Variants in PCDH15 observed in about 807,000 individuals in gnomAD.
The protein encoded by PCDH15 is protocadherin related 15, also known as protocadherin-15.
PCDH15 carries 129 observed loss-of-function variants against 178.5 expected under a neutral mutation model. The observed-to-expected ratio is 0.72, with a 90% CI of 0.63 to 0.84. The LOEUF is 0.84. Among genes scored for constraint, PCDH15 ranks in the 40% least tolerant of loss-of-function variants. The probability of loss-of-function intolerance (pLI) is 0.00; values close to 1 mark genes in which losing one functional copy is unlikely to be tolerated. For missense variants in PCDH15, 2,230 were observed against 2,099.9 expected, an observed-to-expected ratio of 1.06 and a Z score of -1.21; for synonymous variants, 800 against 732.0, an observed-to-expected ratio of 1.09 and a Z score of -1.50.
intron 9 of PCDH15, among the ~76,000 whole-genome samples, chr10:54,215,227 T>G (rs1487476912): frequency 6.6e-6 from 1 of 152,152 alleles, no homozygotes; most frequent in Non-Finnish European, 1.5e-5. Flanking sequence ...ACAGAGCTTT[T>G]ATTAAAAATC....
chr10:54,814,113 C>G (rs535944738), intron 3 of PCDH15, among the ~76,000 whole-genome samples: 6 of 152,162 alleles, frequency 3.9e-5, no homozygotes, highest in Non-Finnish European at 8.8e-5. Context: ...AAGCTCCTGA[C>G]AAATTAAACT....
At chr10:54,807,259 A>T (rs1952794082) in intron 3 of PCDH15, among the ~76,000 whole-genome samples, 1 of 152,240 alleles carries the variant, frequency 6.6e-6, no homozygotes, top group Non-Finnish European at 1.5e-5. Flanking sequence ...TAAAAATCGT[A>T]TAGAACATTT....
chr10:55,178,706 A>C (rs1247178626), intron 1 of PCDH15, among the ~76,000 whole-genome samples: 5 of 152,148 alleles, frequency 3.3e-5, no homozygotes, highest in Non-Finnish European at 5.9e-5. Flanking sequence ...AGAAATTGGA[A>C]ACCTGAAGCT....
In PCDH15 at chr10:54,183,555, G is replaced by T. The variant is rs371406605; in HGVS notation, c.1479C>A (p.Val493=). The change falls in exon 13 of 38, where the codon GTC becomes GTA. Residue 493 remains valine, a synonymous_variant. Transcript: ENST00000644397. The part of the protein sequence containing the change: ...AFDGVQESEP[V]IVNIQVMDAN... Reference sequence around the variant, plus strand: ...CATCCATCACTTGAATATTGACGATGACTGGCTCACTTTCTTGTACACCAT... The same window carrying T: ...CATCCATCACTTGAATATTGACGATTACTGGCTCACTTTCTTGTACACCAT... 8.1e-6 allele frequency: 13 copies of T among 1,613,870 alleles called. No individual in the cohort carries two copies. In the African/African-American group the frequency reaches 1.6e-4, roughly 20 times the overall value.
At chr10:54,383,619 ATGTGTGTTTTTGTGTGTGTGTG>A (rs1159408106) in intron 3 of PCDH15, among the ~76,000 whole-genome samples, 2 of 23,824 alleles carry the variant, frequency 8.4e-5, no homozygotes, top group Admixed American at 6.9e-4. Flanking sequence ...CATGCCGTGT[ATGTGTGTTTTTGTGTGTGTGTG>A]TGTGTGTGTG....
At chr10:55,484,337 T>A (rs1467133707) in intron 2 of PCDH15, among the ~76,000 whole-genome samples, 1 of 151,420 alleles carries the variant, frequency 6.6e-6, no homozygotes, top group Non-Finnish European at 1.5e-5. Flanking sequence ...TCTATAAAAA[T>A]TATAAAAGAT....
chr10:54,850,340 C>T lies in PCDH15; in HGVS notation c.-29+47110G>A, dbSNP rs1034781767. On this transcript the variant is annotated intron_variant, in intron 3 of 5. Coordinates refer to the PCDH15 transcript ENST00000458638. Reference sequence around the variant, plus strand: ...TGGGAACAGGTGGTATTTTGTTACACGAGTAAGTTTCTTAGTGGTGATTTG... The same window carrying T: ...TGGGAACAGGTGGTATTTTGTTACATGAGTAAGTTTCTTAGTGGTGATTTG... Among the ~76,000 whole-genome samples, 7 of 151,876 alleles carry T rather than the reference C, an allele frequency of 4.6e-5. No homozygotes were observed. In the East Asian group the frequency reaches 9.7e-4, roughly 21 times the overall value.
At chr10:54,025,965 T>C (rs2093073952) in intron 18 of PCDH15, among the ~76,000 whole-genome samples, 1 of 152,200 alleles carries the variant, frequency 6.6e-6, no homozygotes, top group Non-Finnish European at 1.5e-5. Context: ...TCCAGGATAG[T>C]ATCCCCATCT....
chr10:54,463,742 G>A (rs1483379841), intron 3 of PCDH15, among the ~76,000 whole-genome samples: 2 of 151,940 alleles, frequency 1.3e-5, no homozygotes, highest in Non-Finnish European at 2.9e-5. Context: ...CTACCCCATA[G>A]AGGACCTCAT....
At chr10:55,203,979 G>GCCTCAT (rs1264246032) in intron 1 of PCDH15, among the ~76,000 whole-genome samples, 2 of 151,878 alleles carry the variant, frequency 1.3e-5, no homozygotes, top group Admixed American at 6.6e-5. Context: ...GGGAGGCTGA[G>GCCTCAT]GCAGGTGGAT....
chr10:54,884,479 A>AGG (rs937545814), intron 3 of PCDH15, among the ~76,000 whole-genome samples: 18 of 79,708 alleles, frequency 2.3e-4, no homozygotes, highest in Admixed American at 1.5e-3. Context: ...ATACTAAGAT[A>AGG]GGTGTGTGTG....
chr10:54,021,586 A>G (rs752299930), intron 19 of PCDH15, among the ~76,000 whole-genome samples: 1 of 151,756 alleles, frequency 6.6e-6, no homozygotes, highest in Non-Finnish European at 1.5e-5. Flanking sequence ...AACTACTTTG[A>G]ACAATCTTTC....
intron 10 of PCDH15, among the ~76,000 whole-genome samples, chr10:54,201,057 C>T (rs930489963): frequency 2.0e-5 from 3 of 152,156 alleles, no homozygotes; most frequent in Non-Finnish European, 2.9e-5. Flanking sequence ...CTCCTCCACT[C>T]ATGGTCTTTT....
intron 26 of PCDH15, among the ~76,000 whole-genome samples, chr10:53,871,184 A>C (rs867710514): frequency 2.6e-5 from 4 of 151,584 alleles, no homozygotes; most frequent in South Asian, 2.1e-4. Flanking sequence ...ATTAAAAAAA[A>C]AAAAAAATTA....
intron 6 of PCDH15, among the ~76,000 whole-genome samples, chr10:54,337,963 G>A (rs2134022896): frequency 6.6e-6 from 1 of 152,264 alleles, no homozygotes; most frequent in East Asian, 1.9e-4. Flanking sequence ...CTGAAATAAA[G>A]TCTCTTTCGT....
intron 23 of PCDH15, among the ~76,000 whole-genome samples, chr10:53,941,206 C>A (rs950730790): frequency 6.6e-6 from 1 of 152,022 alleles, no homozygotes; most frequent in African/African-American, 2.4e-5. Context: ...CATGAGGGTG[C>A]ATATTGTTGT....
At chr10:54,693,112 A>C (rs972174784) in intron 1 of PCDH15, among the ~76,000 whole-genome samples, 11 of 151,932 alleles carry the variant, frequency 7.2e-5, no homozygotes, top group Admixed American at 7.2e-4. Flanking sequence ...AGTAACTCCC[A>C]CTTATGAGTG....
chr10:53,889,548 T>C (rs2133458699), intron 26 of PCDH15, among the ~76,000 whole-genome samples: 1 of 151,316 alleles, frequency 6.6e-6, no homozygotes, highest in South Asian at 2.1e-4. Flanking sequence ...AAAAAAAAAA[T>C]CAGACAAAAT....
rs189631943 is a variant in PCDH15 at position 54,576,995 on chromosome 10, A to G, written c.92-49118T>C. On this transcript the variant is annotated intron_variant, in intron 2 of 37. Coordinates refer to ENST00000644397, the MANE Select transcript of PCDH15 (RefSeq NM_001384140.1). The stretch of plus-strand genomic sequence containing the variant: ...TATGCAAAGATAGAGAAAAATGTCT[A>G]CATTGATGGCTGAACACCTAGGGGA... Among the ~76,000 whole-genome samples the G allele has an allele frequency of 3.4e-3, 518 of 152,298 alleles. 1 individual carries two copies. The highest frequency in any genetic ancestry group is 6.1e-3 in the Non-Finnish European group (416 of 68,026).
Sources: gnomAD v4.1 joint callset for allele counts (sites outside exome capture counted in the v4.1 genomes callset) on GRCh38, gnomAD v4.1.1 for gene constraint, MANE v1.5 for transcripts, NCBI Gene and HGNC (gene_info 2026-07-23, HGNC 2026-07-21) for gene names.